Variants in PLEKHA5 observed in about 807,000 individuals in gnomAD.
The protein encoded by PLEKHA5 is pleckstrin homology domain-containing family A member 5.
A neutral mutation model predicts 181.9 loss-of-function variants in PLEKHA5; 55 were observed. The observed-to-expected ratio is 0.30, with a 90% confidence interval of 0.24 to 0.38. The LOEUF is 0.38. Among genes scored for constraint, PLEKHA5 ranks in the 10% least tolerant of loss-of-function variants. PLEKHA5 has a pLI of 1.00. For missense variants in PLEKHA5, 1,432 were observed against 1,549.5 expected (o/e 0.92, Z 1.27); for synonymous variants, 535 against 529.4 (o/e 1.01, Z -0.15).
intron 15 of PLEKHA5, among the ~76,000 whole-genome samples, chr12:19,302,618 A>G (rs11044483): frequency 0.53 from 81,140 of 151,758 alleles, 25,593 homozygotes; most frequent in Non-Finnish European, 0.72. Context: ...GCTGGTCTTG[A>G]ACTCCTGACC....
intron 3 of PLEKHA5, among the ~76,000 whole-genome samples, chr12:19,228,669 A>G (rs528494747): frequency 6.6e-6 from 1 of 152,294 alleles, no homozygotes; most frequent in South Asian, 2.1e-4. Context: ...TAGGCAGCCA[A>G]AGTCCATTTG....
chr12:19,264,103 T>TA (rs2152654125), intron 7 of PLEKHA5, among the ~76,000 whole-genome samples: 1 of 151,590 alleles, frequency 6.6e-6, no homozygotes, highest in South Asian at 2.1e-4. Context: ...TATATAATAA[T>TA]GGCAATATTT....
At chr12:19,277,379 G>A (rs1458711670) in intron 11 of PLEKHA5, among the ~76,000 whole-genome samples, 2 of 152,152 alleles carry the variant, frequency 1.3e-5, no homozygotes, top group Non-Finnish European at 2.9e-5. Context: ...AAATTGTGAA[G>A]TATAAATACT....
chr12:19,251,917 T>C (rs779722332), intron 3 of PLEKHA5, among the ~76,000 whole-genome samples: 1 of 152,138 alleles, frequency 6.6e-6, no homozygotes, highest in Non-Finnish European at 1.5e-5. Context: ...CACTCCTCCG[T>C]TGTGCCAAGA....
intron 8 of PLEKHA5, among the ~76,000 whole-genome samples, chr12:19,269,395 G>GAAAAAAAAAAAAAAAAAAAAAAAA (rs66531923): frequency 9.4e-6 from 1 of 105,848 alleles, no homozygotes; most frequent in Non-Finnish European, 2.2e-5. Flanking sequence ...TCAAAAAAAA[G>GAAAAAAAAAAAAAAAAAAAAAAAA]AAAAAAAAAA....
At chr12:19,295,862 A>T (rs2079616488) in intron 15 of PLEKHA5, among the ~76,000 whole-genome samples, 1 of 152,178 alleles carries the variant, frequency 6.6e-6, no homozygotes, top group African/African-American at 2.4e-5. Flanking sequence ...ATAGTATTTT[A>T]CCCTGTGCTA....
At chr12:19,150,389 C>T (rs917640223) in intron 3 of PLEKHA5, 6 of 152,168 alleles carry the variant, frequency 3.9e-5, no homozygotes, top group African/African-American at 1.2e-4. Flanking sequence ...TAGATGACCT[C>T]CCCTGTTCTG....
intron 16 of PLEKHA5, among the ~76,000 whole-genome samples, chr12:19,317,408 A>G (rs1661088984): frequency 6.7e-6 from 1 of 150,064 alleles, no homozygotes; most frequent in Non-Finnish European, 1.5e-5. Context: ...TCACAGTTAC[A>G]TTTTAGGACC....
intron 3 of PLEKHA5, among the ~76,000 whole-genome samples, chr12:19,162,964 A>T (rs1259321588): frequency 6.6e-6 from 1 of 152,146 alleles, no homozygotes; most frequent in Non-Finnish European, 1.5e-5. Flanking sequence ...TTATGCAGAG[A>T]AAAAAACCTA....
At chr12:19,186,173 AT>A (rs1251091952) in intron 3 of PLEKHA5, among the ~76,000 whole-genome samples, 8 of 152,212 alleles carry the variant, frequency 5.3e-5, no homozygotes, top group Admixed American at 2.6e-4. Context: ...AAAAAGGAAA[AT>A]GGCTGTGCTA....
intron 3 of PLEKHA5, among the ~76,000 whole-genome samples, chr12:19,194,577 T>C (rs1434112286): frequency 6.6e-6 from 1 of 152,164 alleles, no homozygotes; most frequent in Non-Finnish European, 1.5e-5. Context: ...TTTTTTTAAA[T>C]ATGAAAGAAT....
chr12:19,348,366 T>C (rs2094439331), intron 24 of PLEKHA5, 33 bp from the exon 25 acceptor site: 2 of 1,529,264 alleles, frequency 1.3e-6, no homozygotes, highest in East Asian at 4.7e-5. Context: ...CTTTTAGCAG[T>C]TTTTTAGGGT....
intron 3 of PLEKHA5, chr12:19,147,403 A>G (rs2039184099): frequency 6.6e-6 from 1 of 152,194 alleles, no homozygotes; most frequent in East Asian, 1.9e-4. Flanking sequence ...TAGCTTGAAT[A>G]TATTCTACAG....
At chr12:19,307,279 C>A in intron 15 of PLEKHA5, 1 of 421,418 alleles carries the variant, frequency 2.4e-6, no homozygotes, top group South Asian at 2.4e-5. Context: ...TCGAGACCAA[C>A]CTGACCAACA....
intron 15 of PLEKHA5, among the ~76,000 whole-genome samples, chr12:19,302,947 A>G (rs1436141966): frequency 1.2e-5 from 1 of 84,592 alleles, no homozygotes; most frequent in African/African-American, 5.1e-5. Flanking sequence ...TTTGAGATGG[A>G]GTCCTGCTCT....
At chr12:19,357,600 C>A (rs145705216) in intron 26 of PLEKHA5, among the ~76,000 whole-genome samples, 77 of 151,366 alleles carry the variant, frequency 5.1e-4, no homozygotes, top group African/African-American at 1.8e-3. Context: ...CCCAGATTTA[C>A]TGGAACTGAG....
At chr12:19,278,447 A>G (rs2075198902) in intron 11 of PLEKHA5, among the ~76,000 whole-genome samples, 1 of 152,162 alleles carries the variant, frequency 6.6e-6, no homozygotes, top group Non-Finnish European at 1.5e-5. Context: ...CCCCTTCCTT[A>G]CATGTTTCTA....
At chr12:19,135,903 G>A (rs1274052185) in intron 3 of PLEKHA5, among the ~76,000 whole-genome samples, 11 of 148,764 alleles carry the variant, frequency 7.4e-5, no homozygotes, top group Admixed American at 1.3e-4. Flanking sequence ...TTTTTTGAGG[G>A]GGGTTTCACT....
chr12:19,307,454 G>A (rs1397409323), intron 15 of PLEKHA5: 3 of 265,686 alleles, frequency 1.1e-5, no homozygotes, highest in East Asian at 1.0e-4. Flanking sequence ...CCTGGGCAAC[G>A]AGCACAAAAC....
Sources: gnomAD v4.1 joint callset for allele counts (sites outside exome capture counted in the v4.1 genomes callset) on GRCh38, gnomAD v4.1.1 for gene constraint, MANE v1.5 for transcripts, NCBI Gene and HGNC (gene_info 2026-07-23, HGNC 2026-07-21) for gene names.